Variants in CACNA2D3 observed in about 807,000 individuals in gnomAD.
CACNA2D3 encodes voltage-dependent calcium channel subunit alpha-2/delta-3.
In CACNA2D3, 60 loss-of-function variants were observed where a neutral mutation model predicts 160.6. The observed-to-expected ratio is 0.37, with a 90% CI of 0.30 to 0.46. The LOEUF is 0.46. CACNA2D3 is among the 20% of genes least tolerant of loss of function. The pLI, the probability that CACNA2D3 is intolerant of heterozygous loss-of-function variation, is 1.00. For missense variants in CACNA2D3, 1,205 were observed against 1,365.0 expected, an observed-to-expected ratio of 0.88 and a Z score of 1.85; for synonymous variants, 558 against 492.9, an observed-to-expected ratio of 1.13 and a Z score of -1.75.
At chr3:54,707,047 T>C (rs1313552225) in intron 11 of CACNA2D3, among the ~76,000 whole-genome samples, 1 of 152,176 alleles carries the variant, frequency 6.6e-6, no homozygotes, top group Non-Finnish European at 1.5e-5. Context: ...CTTTACAAAA[T>C]CCTTAATCTA....
intron 11 of CACNA2D3, among the ~76,000 whole-genome samples, chr3:54,751,766 A>G (rs1399212808): frequency 6.6e-6 from 1 of 152,234 alleles, no homozygotes; most frequent in African/African-American, 2.4e-5. Flanking sequence ...CACTGACCTC[A>G]GTCACAAAGA....
chr3:54,745,596 A>T (rs533565225), intron 11 of CACNA2D3, among the ~76,000 whole-genome samples: 34 of 152,172 alleles, frequency 2.2e-4, no homozygotes, highest in Non-Finnish European at 4.4e-4. Context: ...TAGTCTAATA[A>T]ATTGCATCAC....
At chr3:54,805,732 G>A (rs377016707) in intron 13 of CACNA2D3, among the ~76,000 whole-genome samples, 85 of 152,098 alleles carry the variant, frequency 5.6e-4, no homozygotes, top group African/African-American at 1.1e-3. Context: ...CACCAAAGCC[G>A]GGCAGAGACA....
intron 9 of CACNA2D3, among the ~76,000 whole-genome samples, chr3:54,622,304 C>A (rs1035861804): frequency 6.6e-6 from 1 of 152,206 alleles, no homozygotes; most frequent in Non-Finnish European, 1.5e-5. Context: ...GAAATGGAGT[C>A]TCGCTCTTTC....
At chr3:54,740,168 T>C (rs188085994) in intron 11 of CACNA2D3, among the ~76,000 whole-genome samples, 73 of 152,104 alleles carry the variant, frequency 4.8e-4, no homozygotes, top group Non-Finnish European at 9.1e-4. Context: ...GATGGGGTAT[T>C]TGAGCCCTCT....
At chr3:54,242,670 C>T (rs1575338758) in intron 2 of CACNA2D3, among the ~76,000 whole-genome samples, 2 of 152,078 alleles carry the variant, frequency 1.3e-5, no homozygotes, top group East Asian at 1.9e-4. Flanking sequence ...GACAAAGAGA[C>T]GATTCAGGTC....
intron 5 of CACNA2D3, among the ~76,000 whole-genome samples, chr3:54,524,738 T>C (rs1192081037): frequency 6.6e-6 from 1 of 152,154 alleles, no homozygotes; most frequent in Non-Finnish European, 1.5e-5. Context: ...TTATAAAATA[T>C]TTCTCTTTAT....
chr3:54,933,124 ACCT>A, intron 27 of CACNA2D3, among the ~76,000 whole-genome samples: 1 of 130,312 alleles, frequency 7.7e-6, no homozygotes, highest in South Asian at 2.5e-4. Context: ...TTCTTTCTGG[ACCT>A]CTGCCTTTGG....
At chr3:54,170,728 A>G (rs1700546537) in intron 2 of CACNA2D3, among the ~76,000 whole-genome samples, 1 of 152,166 alleles carries the variant, frequency 6.6e-6, no homozygotes, top group South Asian at 2.1e-4. Flanking sequence ...TTAGCTCAGT[A>G]GAAGCTTTTT....
intron 2 of CACNA2D3, among the ~76,000 whole-genome samples, chr3:54,299,609 C>T (rs138677098): frequency 6.6e-5 from 10 of 152,200 alleles, no homozygotes; most frequent in African/African-American, 2.2e-4. Flanking sequence ...AGAGAGCCCA[C>T]GGAACACAAA....
intron 2 of CACNA2D3, among the ~76,000 whole-genome samples, chr3:54,282,308 G>GAGAT (rs1702899251): frequency 6.6e-6 from 1 of 152,204 alleles, no homozygotes; most frequent in South Asian, 2.1e-4. Context: ...CATAGGTATA[G>GAGAT]AGATGCTTTG....
In CACNA2D3 at chr3:54,856,099, G is replaced by A. The variant is rs989536669; in HGVS notation, c.1626+9632G>A. 2.0e-5 allele frequency among the ~76,000 whole-genome samples: 3 copies of A among 152,206 alleles called. No homozygotes were observed. The East Asian group carries it at 5.8e-4, about 29-fold the overall frequency. The stretch of plus-strand genomic sequence containing the variant: ...GTAGCATGAAGACACTGATGAGACT[G>A]TGTTTTGTTCAGCTTTGTATATCCA... On this transcript the variant is annotated intron_variant, in intron 17 of 37. Coordinates refer to ENST00000474759, the MANE Select transcript of CACNA2D3 (RefSeq NM_018398.3).
At chr3:55,065,617 C>T (rs1704616720) in intron 35 of CACNA2D3, among the ~76,000 whole-genome samples, 2 of 150,472 alleles carry the variant, frequency 1.3e-5, no homozygotes, top group African/African-American at 4.9e-5. Flanking sequence ...CAGTGAGCTA[C>T]GATTGCACCA....
At chr3:54,775,124 A>G (rs1219298453) in intron 13 of CACNA2D3, among the ~76,000 whole-genome samples, 1 of 152,238 alleles carries the variant, frequency 6.6e-6, no homozygotes, top group Non-Finnish European at 1.5e-5. Context: ...TCACAGCCAA[A>G]CGTTGAGAGA....
intron 27 of CACNA2D3, among the ~76,000 whole-genome samples, chr3:54,910,628 C>T (rs1700536573): frequency 6.6e-6 from 1 of 152,150 alleles, no homozygotes; most frequent in African/African-American, 2.4e-5. Context: ...GGTTCTCCAC[C>T]TGTGCTCCTA....
At chr3:54,325,098 T>A (rs1422587977) in intron 3 of CACNA2D3, among the ~76,000 whole-genome samples, 2 of 152,116 alleles carry the variant, frequency 1.3e-5, no homozygotes, top group East Asian at 3.9e-4. Context: ...ATCCAGCCCT[T>A]CAGGGGGAGT....
intron 4 of CACNA2D3, among the ~76,000 whole-genome samples, chr3:54,403,709 T>G (rs1248770626): frequency 1.3e-5 from 2 of 152,126 alleles, no homozygotes; most frequent in African/African-American, 4.8e-5. Flanking sequence ...ACTGAATTGT[T>G]TATTTTTTGA....
chr3:54,279,040 A>C (rs982439563), intron 2 of CACNA2D3, among the ~76,000 whole-genome samples: 4 of 152,184 alleles, frequency 2.6e-5, no homozygotes, highest in African/African-American at 9.7e-5. Context: ...TCAAATTAGC[A>C]TTCTTTAATG....
intron 13 of CACNA2D3, among the ~76,000 whole-genome samples, chr3:54,814,913 A>G (rs1703413512): frequency 6.6e-6 from 1 of 152,220 alleles, no homozygotes; most frequent in South Asian, 2.1e-4. Flanking sequence ...CAGTCCATCA[A>G]ACATTTGTCA....
Sources: allele counts gnomAD v4.1 joint callset (sites outside exome capture counted in the v4.1 genomes callset), GRCh38; gene constraint gnomAD v4.1.1; transcripts MANE v1.5; gene names NCBI Gene and HGNC (gene_info 2026-07-23, HGNC 2026-07-21).